RELB: variants seen among roughly 807,000 people sequenced by gnomAD.
The protein encoded by RELB is RELB proto-oncogene, NF-kB subunit, also known as transcription factor RelB.
Under a neutral mutation model 55.4 loss-of-function variants are expected in RELB, and 14 were observed. That is an observed-to-expected ratio of 0.25 (90% CI 0.17 to 0.40). The LOEUF is 0.40. RELB is among the 10% of genes least tolerant of loss of function. The pLI, the probability that RELB is intolerant of heterozygous loss-of-function variation, is 1.00. For missense variants in RELB, 669 were observed against 830.7 expected, an observed-to-expected ratio of 0.81 and a Z score of 2.39; for synonymous variants, 409 against 371.3, an observed-to-expected ratio of 1.10 and a Z score of -1.17.
At chr19:45,019,355 C>G (rs910895008) in intron 4 of RELB, among the ~76,000 whole-genome samples, 1 of 152,208 alleles carries the variant, frequency 6.6e-6, no homozygotes, top group East Asian at 1.9e-4. Context: ...TGAGCCACCA[C>G]GCCTGGCCGA....
At position 45,038,024 on chromosome 19, in the gene RELB, T is replaced by G. The variant is rs532723973; in HGVS notation, c.*234T>G. The G allele has an allele frequency of 4.8e-6, 2 of 417,286 alleles. No homozygotes were observed. Among genetic ancestry groups the G allele is most frequent in the South Asian group, 1.6e-4 (2 of 12,558 alleles). The allele number at this position is 417,286 out of a possible 1,614,324, so 25.8% of individuals were successfully genotyped here. On this transcript the variant is annotated 3_prime_UTR_variant, in exon 12 of 12. Coordinates refer to ENST00000221452, the MANE Select transcript of RELB (RefSeq NM_006509.4). ...GACATGGCTCCCGTGCACTAGCTTGTTACAGCTGCCTCTGTCCCCACATGT... is the reference window on the plus strand; with the variant it reads ...GACATGGCTCCCGTGCACTAGCTTGGTACAGCTGCCTCTGTCCCCACATGT...
At chr19:45,036,968 A>G (rs566238248) in intron 11 of RELB, among the ~76,000 whole-genome samples, 87 of 150,814 alleles carry the variant, frequency 5.8e-4, no homozygotes, top group African/African-American at 2.0e-3. Context: ...TCCCACACGG[A>G]TTCTCCTTGG....
intron 11 of RELB, 83 bp from the exon 12 acceptor site, chr19:45,037,322 C>A: frequency 7.4e-7 from 1 of 1,352,974 alleles, no homozygotes; most frequent in Non-Finnish European, 9.8e-7. Context: ...TCACATTTTG[C>A]AGGGAGTAGG....
intron 4 of RELB, among the ~76,000 whole-genome samples, chr19:45,018,274 G>A (rs1440598212): frequency 6.6e-6 from 1 of 152,002 alleles, no homozygotes; most frequent in Non-Finnish European, 1.5e-5. Flanking sequence ...TGTGGTGGCG[G>A]GCGCCTATAG....
rs1039624578 is a variant in RELB at position 45,003,915 on chromosome 19, G to GTTTTTTTTTTTTTTTTTTTTTTT, written c.154+923_154+945dup. The stretch of plus-strand genomic sequence containing the variant: ...TGGGTTTTTTTTGTCTGTTTTTTGT[G>GTTTTTTTTTTTTTTTTTTTTTTT]TTTTTTTTTTTTTTTTTTTTTTTTT... On this transcript the variant is annotated intron_variant, in intron 2 of 11. Coordinates refer to ENST00000221452, the MANE Select transcript of RELB (RefSeq NM_006509.4). Among the ~76,000 whole-genome samples the GTTTTTTTTTTTTTTTTTTTTTTT allele has an allele frequency of 1.4e-4, 9 of 63,578 alleles. 2 individuals are homozygous for GTTTTTTTTTTTTTTTTTTTTTTT. The highest frequency in any genetic ancestry group is 2.6e-4 in the Admixed American group (1 of 3,790). 41.7% of individuals were successfully genotyped at this position (63,578 alleles called of 152,430 possible). A position where few individuals can be genotyped will look rare whatever the true frequency, so the allele number is the denominator to read the frequency against.
chr19:45,009,902 AGTGGGG>A, intron 3 of RELB, 80 bp downstream of exon 3: 19 of 1,223,568 alleles, frequency 1.6e-5, no homozygotes, highest in Non-Finnish European at 2.3e-5. Flanking sequence ...TTCCTTGTTC[AGTGGGG>A]GTGGGGGAGA....
In RELB at chr19:45,037,532, G is replaced by A. The variant is rs902912356; in HGVS notation, c.1482G>A (p.Thr494=). Residue 494 remains threonine, a synonymous_variant, in exon 12 of 12, where the codon ACG becomes ACA. Coordinates refer to ENST00000221452, the MANE Select transcript of RELB (RefSeq NM_006509.4). ...ACGATGGCTTTGCCTACGACCCTACGGCCCCCACACTCTTCACCATGCTGG... is the reference window on the plus strand; with the variant it reads ...ACGATGGCTTTGCCTACGACCCTACAGCCCCCACACTCTTCACCATGCTGG... ...LLDDGFAYDP[T]APTLFTMLDL... The A allele has an allele frequency of 8.7e-6, 14 of 1,613,308 alleles. No homozygotes were observed. The highest frequency in any genetic ancestry group is 3.3e-5 in the South Asian group (3 of 91,074).
At chr19:45,033,786 G>A (rs570677397) in intron 9 of RELB, among the ~76,000 whole-genome samples, 54 of 149,686 alleles carry the variant, frequency 3.6e-4, no homozygotes, top group Non-Finnish European at 7.0e-4. Context: ...CAGGTGATCC[G>A]CCCACTTCAG....
chr19:45,032,231 T>C (rs1192176102), intron 8 of RELB, among the ~76,000 whole-genome samples: 1 of 150,540 alleles, frequency 6.6e-6, no homozygotes, highest in African/African-American at 2.5e-5. Context: ...TGAGACTCCA[T>C]CTCAAAAACA....
At chr19:45,008,276 C>G (rs180905131) in intron 2 of RELB, among the ~76,000 whole-genome samples, 57 of 152,206 alleles carry the variant, frequency 3.7e-4, no homozygotes, top group African/African-American at 1.1e-3. Flanking sequence ...GATGAAGAAG[C>G]CAAGGCACAA....
At chr19:45,030,166 C>G (rs1971603888) in intron 8 of RELB, among the ~76,000 whole-genome samples, 1 of 151,298 alleles carries the variant, frequency 6.6e-6, no homozygotes, top group Non-Finnish European at 1.5e-5. Context: ...GACCCTGTCT[C>G]AAAAAATCAA....
rs1265149311 is a variant in RELB at position 45,002,198 on chromosome 19, A to T, written c.106+513A>T. On this transcript the variant is annotated intron_variant, in intron 1 of 11. Transcript: ENST00000221452. ...GCGGGGCCTGACTCTGGCCGAGTGG[A>T]GGGGAAGGGCCTGTTACCCAAAAAA... Among the ~76,000 whole-genome samples the T allele has an allele frequency of 7.5e-5, 9 of 120,730 alleles. No individual in the cohort carries two copies. In the East Asian group the frequency reaches 2.1e-3, roughly 28 times the overall value. The allele number at this position is 120,730 out of a possible 152,430, so 79.2% of individuals were successfully genotyped here.
intron 4 of RELB, among the ~76,000 whole-genome samples, chr19:45,018,358 C>T (rs1032035616): frequency 2.6e-5 from 4 of 151,774 alleles, no homozygotes; most frequent in Admixed American, 1.3e-4. Context: ...GAGCTGAGAT[C>T]GTGCCACTGC....
At chr19:45,035,311 G>A (rs922246034) in intron 11 of RELB, among the ~76,000 whole-genome samples, 1 of 151,468 alleles carries the variant, frequency 6.6e-6, no homozygotes, top group African/African-American at 2.4e-5. Flanking sequence ...TTCAGTCCAG[G>A]AGTTTGAGAC....
In RELB at chr19:45,012,204, C is replaced by T. The variant is rs1187723446; in HGVS notation, c.432C>T (p.Cys144=). The T allele has an allele frequency of 8.6e-6, 13 of 1,513,382 alleles. No homozygotes were observed. Among genetic ancestry groups the T allele is most frequent in the South Asian group, 1.3e-5 (1 of 77,770 alleles). 93.7% of individuals were successfully genotyped at this position (1,513,382 alleles called of 1,614,324 possible). A position where few individuals can be genotyped will look rare whatever the true frequency, so the allele number is the denominator to read the frequency against. ...KQRGMRFRYE[C]EGRSAGSILG... ...GCGGCATGCGCTTCCGCTACGAGTG[C>T]GAGGGCCGCTCGGCCGGCAGCATCC... Residue 144 remains cysteine (C), a synonymous_variant, in exon 4 of 12, where the codon TGC becomes TGT. Coordinates refer to ENST00000221452, the MANE Select transcript of RELB (RefSeq NM_006509.4).
chr19:45,022,029 C>T (rs1444265058), intron 4 of RELB, 24 bp from the exon 5 acceptor site: 10 of 1,592,530 alleles, frequency 6.3e-6, no homozygotes, highest in Admixed American at 1.7e-5. Context: ...ATGGGACCCC[C>T]AAAGAGGACT....
rs545206447 is a variant in RELB, at chr19:45,002,058, C to T, written c.106+373C>T. Among the ~76,000 whole-genome samples, 508 of 130,710 alleles carry T rather than the reference C, an allele frequency of 3.9e-3. 3 individuals carry two copies. The highest frequency in any genetic ancestry group is 0.014 in the African/African-American group (480 of 34,620). The allele number at this position is 130,710 out of a possible 152,430, so 85.8% of individuals were successfully genotyped here. On this transcript the variant is annotated intron_variant, in intron 1 of 11. Transcript: ENST00000221452. ...TCCGACCCGGACTATGAGAAGAGGG[C>T]CGGGCCTGACTCAAAAAAGGAAGCA...
chr19:45,025,760 G>A (rs748323795), intron 7 of RELB, 23 bp downstream of exon 7: 30 of 1,613,428 alleles, frequency 1.9e-5, no homozygotes, highest in South Asian at 3.3e-5. Flanking sequence ...TGCTGTGGCC[G>A]TTAGGATTGC....
rs570938316 is a variant in RELB, at chr19:45,032,765, C to G, written c.1207+16C>G. The stretch of plus-strand genomic sequence containing the variant: ...CGCGACCATGGTAACTACAGCAACC[C>G]AGGGTGACCCACCACCTCGGAGACT... On this transcript the variant is annotated intron_variant, in intron 9 of 11. Transcript: ENST00000221452. 1.3e-6 allele frequency: 2 copies of G among 1,589,534 alleles called. No individual in the cohort carries two copies. Among genetic ancestry groups the G allele is most frequent in the South Asian group, 2.3e-5 (2 of 88,226 alleles).
Sources: allele counts gnomAD v4.1 joint callset (sites outside exome capture counted in the v4.1 genomes callset), GRCh38; gene constraint gnomAD v4.1.1; transcripts MANE v1.5; gene names NCBI Gene and HGNC (gene_info 2026-07-23, HGNC 2026-07-21).